PPM1L: variants seen among roughly 807,000 people sequenced by gnomAD.
The protein encoded by PPM1L is protein phosphatase 1L.
Under a neutral mutation model 31.4 loss-of-function variants are expected in PPM1L, and 13 were observed. That is an observed-to-expected ratio of 0.41 (90% CI 0.27 to 0.66). The LOEUF (loss-of-function observed/expected upper bound fraction) is 0.66, where lower values mean the gene tolerates loss of function less well. Ranked by LOEUF, PPM1L falls within the 30% of genes least tolerant of loss-of-function variation. The probability of loss-of-function intolerance (pLI) is 0.29; values close to 1 mark genes in which losing one functional copy is unlikely to be tolerated. For missense variants in PPM1L, 326 were observed against 453.7 expected (o/e 0.72, Z 2.56); for synonymous variants, 184 against 175.4 (o/e 1.05, Z -0.39).
intron 1 of PPM1L, among the ~76,000 whole-genome samples, chr3:160,868,427 C>T (rs1712170113): frequency 6.6e-6 from 1 of 152,182 alleles, no homozygotes; most frequent in Admixed American, 6.5e-5. Context: ...AATTTCAGGG[C>T]CTCACCTGTA....
chr3:160,788,660 A>G (rs1712008752), intron 1 of PPM1L, among the ~76,000 whole-genome samples: 1 of 152,060 alleles, frequency 6.6e-6, no homozygotes, highest in South Asian at 2.1e-4. Context: ...TAGAAGTGAT[A>G]AAGTTTATCT....
intron 1 of PPM1L, among the ~76,000 whole-genome samples, chr3:160,842,982 A>T (rs543090932): frequency 6.6e-6 from 1 of 152,140 alleles, no homozygotes; most frequent in Non-Finnish European, 1.5e-5. Flanking sequence ...AGAGCCAAGA[A>T]TATTTAGATT....
chr3:160,889,249 G>A (rs1361790366), intron 1 of PPM1L, among the ~76,000 whole-genome samples: 2 of 152,030 alleles, frequency 1.3e-5, no homozygotes, highest in Non-Finnish European at 2.9e-5. Context: ...AAAATAGATA[G>A]ACCACTAGCT....
chr3:160,910,247 T>TTCCCCG (rs1560147909), intron 1 of PPM1L, among the ~76,000 whole-genome samples: 1 of 25,782 alleles, frequency 3.9e-5, no homozygotes, highest in Non-Finnish European at 8.1e-5. Context: ...CCCCTTTCCT[T>TTCCCCG]TCCCCTTCCC....
chr3:160,843,451 T>C, intron 1 of PPM1L, among the ~76,000 whole-genome samples: 1 of 114,924 alleles, frequency 8.7e-6, no homozygotes, highest in African/African-American at 3.0e-5. Flanking sequence ...TATATATATA[T>C]ATATATATAT....
chr3:160,874,450 T>C (rs536296883), intron 1 of PPM1L, among the ~76,000 whole-genome samples: 1 of 152,320 alleles, frequency 6.6e-6, no homozygotes, highest in African/African-American at 2.4e-5. Context: ...TCAAATATAC[T>C]TTTTCCCTTT....
At chr3:160,896,223 G>GA (rs561988488) in intron 1 of PPM1L, among the ~76,000 whole-genome samples, 2 of 151,914 alleles carry the variant, frequency 1.3e-5, no homozygotes, top group African/African-American at 4.8e-5. Flanking sequence ...TAGTGTATGG[G>GA]AAAAAAATCT....
intron 2 of PPM1L, among the ~76,000 whole-genome samples, chr3:160,977,244 T>A (rs1395688398): frequency 1.3e-5 from 2 of 152,072 alleles, no homozygotes; most frequent in Non-Finnish European, 2.9e-5. Context: ...TGATAAGGAG[T>A]TTCTTTAGTA....
At chr3:160,812,532 G>A (rs1560114018) in intron 1 of PPM1L, among the ~76,000 whole-genome samples, 2 of 152,170 alleles carry the variant, frequency 1.3e-5, no homozygotes, top group African/African-American at 4.8e-5. Context: ...TTGCTGTTTT[G>A]AAATGACTGA....
intron 1 of PPM1L, among the ~76,000 whole-genome samples, chr3:160,931,738 TA>T (rs1714794412): frequency 6.6e-6 from 1 of 152,202 alleles, no homozygotes; most frequent in Non-Finnish European, 1.5e-5. Flanking sequence ...TAAATATCCT[TA>T]GGTTAGGATG....
At chr3:160,888,204 G>A (rs1712989990) in intron 1 of PPM1L, among the ~76,000 whole-genome samples, 1 of 152,132 alleles carries the variant, frequency 6.6e-6, no homozygotes, top group Admixed American at 6.5e-5. Context: ...AATGTAAATG[G>A]GCTAAATGCC....
intron 2 of PPM1L, among the ~76,000 whole-genome samples, chr3:161,012,295 G>T (rs1358998518): frequency 2.0e-5 from 3 of 152,132 alleles, no homozygotes; most frequent in African/African-American, 4.8e-5. Flanking sequence ...TTTGTCTTTG[G>T]TTCTGTTTAT....
At chr3:161,006,510 C>T (rs1360416268) in intron 2 of PPM1L, among the ~76,000 whole-genome samples, 1 of 151,786 alleles carries the variant, frequency 6.6e-6, no homozygotes, top group Admixed American at 6.6e-5. Flanking sequence ...ATTTTTTTAC[C>T]ATAATAAAAG....
At chr3:161,034,690 C>CG (rs989181476) in intron 2 of PPM1L, among the ~76,000 whole-genome samples, 17 of 116,810 alleles carry the variant, frequency 1.5e-4, no homozygotes, top group Non-Finnish European at 2.6e-4. Context: ...TGGGGCCTGT[C>CG]GGGGGGGTGG....
rs1004349788 is a variant in PPM1L, at chr3:160,924,991, A to C, written c.400-36745A>C. ...TCATTTTTTGCCTAGCTTAGCAAAAATATGTAAAAAGACTATTCTCTCCTA... is the reference window on the plus strand; with the variant it reads ...TCATTTTTTGCCTAGCTTAGCAAAACTATGTAAAAAGACTATTCTCTCCTA... On this transcript the variant is annotated intron_variant, in intron 1 of 3. Transcript: ENST00000498165. Among the ~76,000 whole-genome samples the C allele has an allele frequency of 2.6e-5, 4 of 152,236 alleles. No individual in the cohort carries two copies. The East Asian group carries it at 7.7e-4, about 29-fold the overall frequency.
chr3:160,951,350 C>A (rs1333272571), intron 1 of PPM1L, among the ~76,000 whole-genome samples: 1 of 152,112 alleles, frequency 6.6e-6, no homozygotes, highest in Non-Finnish European at 1.5e-5. Flanking sequence ...ATCACTGTGG[C>A]AGTAGGGAAG....
rs1193526674 is a variant in PPM1L, at chr3:160,829,452, T to G, written c.399+72745T>G. Among the ~76,000 whole-genome samples the G allele has an allele frequency of 5.3e-5, 8 of 152,252 alleles. No individual in the cohort carries two copies. In the East Asian group the frequency reaches 1.2e-3, roughly 22 times the overall value. On this transcript the variant is annotated intron_variant, in intron 1 of 3. Coordinates refer to ENST00000498165, the MANE Select transcript of PPM1L (RefSeq NM_139245.4). ...ACTTAAACACTCCCTCTTTTCACAC[T>G]CTTCTGATTAAAACAAAGCAAAACT... is the stretch of plus-strand genomic sequence containing the variant.
At chr3:160,938,086 T>C (rs1229636498) in intron 1 of PPM1L, among the ~76,000 whole-genome samples, 1 of 152,214 alleles carries the variant, frequency 6.6e-6, no homozygotes, top group Non-Finnish European at 1.5e-5. Context: ...ATCACCACAC[T>C]CTTATAATGT....
intron 1 of PPM1L, among the ~76,000 whole-genome samples, chr3:160,889,090 G>A (rs191322657): frequency 1.1e-3 from 173 of 152,260 alleles, no homozygotes; most frequent in African/African-American, 4.0e-3. Context: ...ACAATTAAAA[G>A]AGCTAGAGAG....
Sources: gnomAD v4.1 joint callset for allele counts (sites outside exome capture counted in the v4.1 genomes callset) on GRCh38, gnomAD v4.1.1 for gene constraint, MANE v1.5 for transcripts, NCBI Gene and HGNC (gene_info 2026-07-23, HGNC 2026-07-21) for gene names.